The following LRRC17 variants were observed in gnomAD, a reference collection of about 807,000 sequenced individuals.
LRRC17 encodes leucine-rich repeat-containing protein 17.
In LRRC17, 33 loss-of-function variants were observed where a neutral mutation model predicts 41.5. That is an observed-to-expected ratio of 0.80 (90% CI 0.60 to 1.06). LRRC17 has a LOEUF of 1.06. LRRC17 is among the 50% of genes least tolerant of loss of function. The pLI, the probability that LRRC17 is intolerant of heterozygous loss-of-function variation, is 0.00. For missense variants in LRRC17, 491 were observed against 519.3 expected, an observed-to-expected ratio of 0.95 and a Z score of 0.53; for synonymous variants, 192 against 197.0, an observed-to-expected ratio of 0.97 and a Z score of 0.21.
At chr7:102,940,192 C>CCAAA (rs1213989400) in intron 3 of LRRC17, among the ~76,000 whole-genome samples, 1 of 150,578 alleles carries the variant, frequency 6.6e-6, no homozygotes, top group Non-Finnish European at 1.5e-5. Flanking sequence ...CCGCGCCTGG[C>CCAAA]CAAATGTAGT....
chr7:102,937,293 A>G (rs1473233671), intron 2 of LRRC17, among the ~76,000 whole-genome samples: 1 of 151,558 alleles, frequency 6.6e-6, no homozygotes, highest in Non-Finnish European at 1.5e-5. Flanking sequence ...TGAGGTCAGG[A>G]GTTCAAAACC....
At chr7:102,915,938 T>C (rs1198115516) in intron 1 of LRRC17, among the ~76,000 whole-genome samples, 1 of 152,134 alleles carries the variant, frequency 6.6e-6, no homozygotes, top group African/African-American at 2.4e-5. Context: ...CTGTAGTTTT[T>C]ACCTACATTT....
chr7:102,940,009 C>T (rs1279085661), intron 3 of LRRC17, among the ~76,000 whole-genome samples: 1 of 151,890 alleles, frequency 6.6e-6, no homozygotes, highest in Non-Finnish European at 1.5e-5. Context: ...ATTCTCCTGC[C>T]TCAGCCTCCC....
At chr7:102,931,887 T>C in intron 1 of LRRC17, 1 of 1,613,702 alleles carries the variant, frequency 6.2e-7, no homozygotes, top group East Asian at 2.2e-5. Context: ...TCACTGTGAA[T>C]GTTGGGCAGT....
chr7:102,924,780 A>G (rs1817755664), intron 1 of LRRC17, among the ~76,000 whole-genome samples: 1 of 151,524 alleles, frequency 6.6e-6, no homozygotes, highest in Admixed American at 6.6e-5. Flanking sequence ...AGCTGGGACT[A>G]CAGGCACCCA....
intron 1 of LRRC17, among the ~76,000 whole-genome samples, chr7:102,924,792 C>G (rs919159754): frequency 1.3e-5 from 2 of 151,926 alleles, no homozygotes; most frequent in Non-Finnish European, 2.9e-5. Context: ...AGGCACCCAC[C>G]ACCGCACCCG....
chr7:102,917,916 G>A (rs1816221006), intron 1 of LRRC17, among the ~76,000 whole-genome samples: 1 of 152,158 alleles, frequency 6.6e-6, no homozygotes, highest in Admixed American at 6.6e-5. Flanking sequence ...GAATGGGCAT[G>A]AGCTTTAGGC....
intron 3 of LRRC17, among the ~76,000 whole-genome samples, chr7:102,940,477 T>TGGG: frequency 6.6e-6 from 1 of 152,330 alleles, no homozygotes; most frequent in East Asian, 1.9e-4. Flanking sequence ...CCCAAAGTGC[T>TGGG]GGGATTACAG....
intron 1 of LRRC17, among the ~76,000 whole-genome samples, chr7:102,918,693 G>A (rs1219367399): frequency 1.3e-5 from 2 of 152,134 alleles, no homozygotes; most frequent in South Asian, 2.1e-4. Context: ...CCAGGAGTTT[G>A]AGGCTGCAGT....
At chr7:102,934,743 T>C in intron 2 of LRRC17, 58 bp downstream of exon 2, 1 of 1,397,602 alleles carries the variant, frequency 7.2e-7, no homozygotes, top group East Asian at 2.3e-5. Flanking sequence ...TCTTTGAATC[T>C]TATAATCCTC....
chr7:102,939,351 C>A, intron 2 of LRRC17, 79 bp from the exon 3 acceptor site: 1 of 1,230,762 alleles, frequency 8.1e-7, no homozygotes, highest in East Asian at 2.4e-5. Flanking sequence ...GCTGATTCTT[C>A]AATCACACAG....
intron 1 of LRRC17, among the ~76,000 whole-genome samples, chr7:102,928,044 A>T (rs1818464455): frequency 6.6e-6 from 1 of 152,222 alleles, no homozygotes; most frequent in Non-Finnish European, 1.5e-5. Context: ...AGGAAGAGGA[A>T]GGTGGAGTAG....
chr7:102,938,515 A>G (rs1210034806), intron 2 of LRRC17, among the ~76,000 whole-genome samples: 2 of 152,152 alleles, frequency 1.3e-5, no homozygotes, highest in East Asian at 3.8e-4. Flanking sequence ...TTGGCTGGAG[A>G]AGGAGCAAGC....
At chr7:102,936,154 T>C (rs531605721) in intron 2 of LRRC17, 1 of 151,176 alleles carries the variant, frequency 6.6e-6, no homozygotes, top group African/African-American at 2.4e-5. Flanking sequence ...TTCAGTGCCA[T>C]AGGAAAGCAG....
chr7:102,924,641 CTTTT>C (rs71106699), intron 1 of LRRC17, among the ~76,000 whole-genome samples: 2 of 121,036 alleles, frequency 1.7e-5, no homozygotes, highest in Admixed American at 9.7e-5. Context: ...GTAAGCTTTT[CTTTT>C]TTTTTTTTTT....
chr7:102,919,959 T>C (rs1816666323), intron 1 of LRRC17, among the ~76,000 whole-genome samples: 1 of 152,156 alleles, frequency 6.6e-6, no homozygotes, highest in Admixed American at 6.5e-5. Context: ...ATTACAATAT[T>C]GAGTGCAAAC....
At position 102,934,168 on chromosome 7, in the gene LRRC17, C is replaced by A; in HGVS notation, c.255C>A (p.His85Gln). The change falls in exon 2 of 4, where the codon CAC (histidine) becomes CAA (glutamine). Residue 85 changes from histidine to glutamine, a missense_variant. Physicochemically the swap from His to Gln is conservative, Grantham distance 24. Coordinates refer to ENST00000339431, the MANE Select transcript of LRRC17 (RefSeq NM_001031692.3). The stretch of plus-strand genomic sequence containing the variant: ...CTGGTTGGCCTCAGGATTTGCTGCA[C>A]ATGCTGCTAGCAAGAAACAAGATCC... ...VLPGWPQDLL[H>Q]MLLARNKIRT... is the part of the protein sequence containing the mutation. The A allele has an allele frequency of 3.7e-6, 6 of 1,614,234 alleles. No individual in the cohort carries two copies. Among genetic ancestry groups the A allele is most frequent in the South Asian group, 2.2e-5 (2 of 91,084 alleles).
In LRRC17 at chr7:102,944,766, A is replaced by G; in HGVS notation, c.*159A>G. The G allele has an allele frequency of 1.6e-6, 1 of 631,348 alleles. No individual in the cohort carries two copies. Among genetic ancestry groups the G allele is most frequent in the Non-Finnish European group, 2.6e-6 (1 of 386,664 alleles). The allele number at this position is 631,348 out of a possible 1,614,324, so 39.1% of individuals were successfully genotyped here. On this transcript the variant is annotated 3_prime_UTR_variant, in exon 4 of 4. Coordinates refer to ENST00000339431, the MANE Select transcript of LRRC17 (RefSeq NM_001031692.3). Reference sequence around the variant, plus strand: ...AAGTATTATTGTGACTATTATAGTAATCAAGAGAATGCTATCATCCTGCTT... The same window carrying G: ...AAGTATTATTGTGACTATTATAGTAGTCAAGAGAATGCTATCATCCTGCTT...
rs370522298 is a variant in LRRC17 at position 102,934,045 on chromosome 7, G to C, written c.132G>C (p.Pro44=). 1 of 1,614,080 alleles carries C rather than the reference G, an allele frequency of 6.2e-7. No individual in the cohort carries two copies. Residue 44 remains proline (P), a synonymous_variant, in exon 2 of 4, where the codon CCG becomes CCC. Transcript: ENST00000339431. ...RAGGGRRGSN[P]VKRYAPGLPC... Reference sequence around the variant, plus strand: ...GTGGAGGCCGGAGAGGCTCCAACCCGGTCAAACGCTACGCACCAGGCCTCC... The same window carrying C: ...GTGGAGGCCGGAGAGGCTCCAACCCCGTCAAACGCTACGCACCAGGCCTCC...
Sources: gnomAD v4.1 joint callset for allele counts (sites outside exome capture counted in the v4.1 genomes callset) on GRCh38, gnomAD v4.1.1 for gene constraint, MANE v1.5 for transcripts, NCBI Gene and HGNC (gene_info 2026-07-23, HGNC 2026-07-21) for gene names.